Variants in PSD3 observed in about 807,000 individuals in gnomAD.
PSD3 encodes the protein pleckstrin and Sec7 domain containing 3, also known as PH and SEC7 domain-containing protein 3.
A neutral mutation model predicts 105.5 loss-of-function variants in PSD3; 49 were observed. The ratio of observed to expected loss-of-function variants is 0.46; its 90% confidence interval spans 0.37 to 0.59. The LOEUF (loss-of-function observed/expected upper bound fraction) is 0.59, where lower values mean the gene tolerates loss of function less well. Ranked by LOEUF, PSD3 falls within the 20% of genes least tolerant of loss-of-function variation. The pLI is 0.00. For synonymous variants in PSD3, 557 were observed against 457.8 expected (o/e 1.22, Z -2.77); for missense variants, 1,561 against 1,263.8 (o/e 1.24, Z -3.57).
chr8:18,688,050 T>A (rs1490515868), intron 9 of PSD3, among the ~76,000 whole-genome samples: 1 of 152,148 alleles, frequency 6.6e-6, no homozygotes, highest in Non-Finnish European at 1.5e-5. Flanking sequence ...ATTACAGATG[T>A]GAGCCACTAC....
intron 1 of PSD3, among the ~76,000 whole-genome samples, chr8:19,036,150 G>C (rs568161668): frequency 6.6e-6 from 1 of 152,138 alleles, no homozygotes; most frequent in African/African-American, 2.4e-5. Context: ...GGAGATTGCC[G>C]GCAATGCAGA....
At chr8:18,579,152 T>G (rs117233069) in intron 12 of PSD3, among the ~76,000 whole-genome samples, 1 of 124,098 alleles carries the variant, frequency 8.1e-6, no homozygotes. Context: ...AAACCAAGAG[T>G]AGAGTGGAAA....
intron 11 of PSD3, among the ~76,000 whole-genome samples, chr8:18,605,125 G>T (rs532439267): frequency 6.6e-6 from 1 of 152,106 alleles, no homozygotes; most frequent in African/African-American, 2.4e-5. Context: ...CCTCAGAATG[G>T]TAGAGCCACT....
intron 15 of PSD3, among the ~76,000 whole-genome samples, chr8:18,550,226 G>A (rs1256868002): frequency 6.6e-6 from 1 of 152,166 alleles, no homozygotes; most frequent in Non-Finnish European, 1.5e-5. Flanking sequence ...CTAATTCTTT[G>A]CAATCATCTA....
At chr8:19,035,986 C>A (rs1397292948) in intron 1 of PSD3, among the ~76,000 whole-genome samples, 1 of 152,138 alleles carries the variant, frequency 6.6e-6, no homozygotes, top group Non-Finnish European at 1.5e-5. Flanking sequence ...AACTCCTGGA[C>A]TCAAGTGATC....
At chr8:18,921,909 T>C (rs921344709) in intron 2 of PSD3, among the ~76,000 whole-genome samples, 1 of 152,214 alleles carries the variant, frequency 6.6e-6, no homozygotes, top group Non-Finnish European at 1.5e-5. Flanking sequence ...CACTCAGTGT[T>C]GGCATTCCTC....
chr8:18,536,863 G>C (rs7812358), intron 15 of PSD3, among the ~76,000 whole-genome samples: 4,719 of 152,084 alleles, frequency 0.031, 144 homozygotes, highest in African/African-American at 0.079. Context: ...GGTAAAGTAA[G>C]TATTCCACCA....
intron 1 of PSD3, among the ~76,000 whole-genome samples, chr8:19,042,344 A>C (rs1240797311): frequency 6.6e-6 from 1 of 152,184 alleles, no homozygotes; most frequent in African/African-American, 2.4e-5. Context: ...GATGGCTTCC[A>C]CATGAGGATA....
intron 1 of PSD3, among the ~76,000 whole-genome samples, chr8:19,079,814 A>T (rs75245944): frequency 0.041 from 6,233 of 152,100 alleles, 203 homozygotes; most frequent in Middle Eastern, 0.088. Flanking sequence ...AGCTCACTCT[A>T]TAGGTAAGTT....
At chr8:18,822,686 C>T (rs549692685) in intron 4 of PSD3, among the ~76,000 whole-genome samples, 2 of 152,270 alleles carry the variant, frequency 1.3e-5, no homozygotes, top group East Asian at 3.9e-4. Context: ...AGCTGCATAT[C>T]AGAGATGAAC....
At chr8:18,640,833 C>T (rs1395501430) in intron 10 of PSD3, among the ~76,000 whole-genome samples, 1 of 152,182 alleles carries the variant, frequency 6.6e-6, no homozygotes, top group Non-Finnish European at 1.5e-5. Flanking sequence ...AAAAGAGAAA[C>T]TCGACACTTG....
At chr8:18,712,657 C>G (rs1366213128) in intron 9 of PSD3, among the ~76,000 whole-genome samples, 1 of 151,908 alleles carries the variant, frequency 6.6e-6, no homozygotes, top group African/African-American at 2.4e-5. Flanking sequence ...ACCAAACAAA[C>G]AAAAAAGCCC....
intron 1 of PSD3, among the ~76,000 whole-genome samples, chr8:19,008,517 C>T (rs139856908): frequency 2.8e-4 from 42 of 152,302 alleles, no homozygotes; most frequent in African/African-American, 9.6e-4. Flanking sequence ...TGTCCTATGA[C>T]TCAATCAAAA....
chr8:18,995,428 ATTG>A (rs1392932741), intron 1 of PSD3, among the ~76,000 whole-genome samples: 1 of 152,048 alleles, frequency 6.6e-6, no homozygotes, highest in African/African-American at 2.4e-5. Flanking sequence ...ACAACAATAT[ATTG>A]TTGTTCTGAG....
At chr8:18,912,450 T>TTCTAA (rs374398507) in intron 2 of PSD3, among the ~76,000 whole-genome samples, 7,557 of 152,310 alleles carry the variant, frequency 0.05, 201 homozygotes, top group Admixed American at 0.081. Context: ...CTTTTGTACT[T>TTCTAA]AAATTTCTTT....
At chr8:18,539,898 G>A (rs745631685) in intron 15 of PSD3, among the ~76,000 whole-genome samples, 1 of 152,168 alleles carries the variant, frequency 6.6e-6, no homozygotes, top group African/African-American at 2.4e-5. Flanking sequence ...TGAAAACAAT[G>A]ATCAGTGTTC....
chr8:18,945,599 G>C (rs1822809194), intron 1 of PSD3, among the ~76,000 whole-genome samples: 1 of 152,152 alleles, frequency 6.6e-6, no homozygotes, highest in Non-Finnish European at 1.5e-5. Flanking sequence ...AGCAGCTATA[G>C]GAAACCAATA....
Position 19,046,550 on chromosome 8 carries a change from C to G in PSD3, c.324+37656G>C, listed in dbSNP as rs540623040. Among the ~76,000 whole-genome samples the G allele has an allele frequency of 4.9e-3, 741 of 152,304 alleles. 9 individuals carry two copies. Among genetic ancestry groups the G allele is most frequent in the African/African-American group, 0.017 (719 of 41,570 alleles). ...GGCTGAGGTCAGGCTCAACAAAGGG[C>G]CATGCCTATTCTTACTCAATCTTGG... On this transcript the variant is annotated intron_variant, in intron 1 of 1. Coordinates refer to the PSD3 transcript ENST00000521475.
chr8:18,780,053 A>G (rs1808458416), intron 8 of PSD3, among the ~76,000 whole-genome samples: 1 of 152,208 alleles, frequency 6.6e-6, no homozygotes. Flanking sequence ...TATTGGACTC[A>G]GTCTCTCCCT....
Sources: allele counts gnomAD v4.1 joint callset (sites outside exome capture counted in the v4.1 genomes callset), GRCh38; gene constraint gnomAD v4.1.1; transcripts MANE v1.5; gene names NCBI Gene and HGNC (gene_info 2026-07-23, HGNC 2026-07-21).